The following INSC variants were observed in gnomAD, a reference collection of about 807,000 sequenced individuals.
INSC encodes protein inscuteable homolog.
INSC carries 67 observed loss-of-function variants against 58.6 expected under a neutral mutation model. That is an observed-to-expected ratio of 1.14 (90% CI 0.94 to 1.40). The LOEUF (loss-of-function observed/expected upper bound fraction) is 1.40, where lower values mean the gene tolerates loss of function less well. INSC is among the 40% of genes most tolerant of loss of function. The pLI is 0.00. For missense variants in INSC, 714 were observed against 692.0 expected, an observed-to-expected ratio of 1.03 and a Z score of -0.36; for synonymous variants, 262 against 276.1, an observed-to-expected ratio of 0.95 and a Z score of 0.51.
intron 7 of INSC, among the ~76,000 whole-genome samples, chr11:15,218,506 T>C (rs1851308785): frequency 6.6e-6 from 1 of 152,166 alleles, no homozygotes; most frequent in South Asian, 2.1e-4. Context: ...GGCATATACA[T>C]CTAAACATAC....
At chr11:15,230,005 ATATATATAATATAT>A (rs1787834439) in intron 9 of INSC, among the ~76,000 whole-genome samples, 2 of 25,934 alleles carry the variant, frequency 7.7e-5, no homozygotes, top group Non-Finnish European at 1.3e-4. Context: ...ATATATATAT[ATATATATAATATAT>A]ATATATATAT....
intron 1 of INSC, among the ~76,000 whole-genome samples, chr11:15,129,525 A>T (rs1255522798): frequency 1.3e-5 from 2 of 152,194 alleles, no homozygotes; most frequent in African/African-American, 4.8e-5. Context: ...TGCATGAATT[A>T]TCTATTAACT....
At chr11:15,262,321 A>G in the INSC span, among the ~76,000 whole-genome samples, 2 of 152,134 alleles carry the variant, frequency 1.3e-5, no homozygotes, top group Non-Finnish European at 2.9e-5. Flanking sequence ...TGAACCAAGC[A>G]AAACTGAAAA....
chr11:15,235,955 C>T (rs1354066522), intron 10 of INSC, among the ~76,000 whole-genome samples: 1 of 149,866 alleles, frequency 6.7e-6, no homozygotes, highest in African/African-American at 2.5e-5. Flanking sequence ...ACTCAGGAGG[C>T]TGAGGCAGGA....
intron 6 of INSC, among the ~76,000 whole-genome samples, chr11:15,199,712 G>A (rs1850505569): frequency 6.6e-6 from 1 of 152,204 alleles, no homozygotes; most frequent in South Asian, 2.1e-4. Flanking sequence ...GGAGTGATGA[G>A]GTTAAAGGCG....
At position 15,236,897 on chromosome 11, in the gene INSC, A is replaced by G. The variant is rs145859150; in HGVS notation, c.1237+1229A>G. 5.1e-3 allele frequency among the ~76,000 whole-genome samples: 775 copies of G among 152,300 alleles called. 4 individuals are homozygous for G. The highest frequency in any genetic ancestry group is 0.017 in the Middle Eastern group (5 of 294). On this transcript the variant is annotated intron_variant, in intron 10 of 12. Transcript: ENST00000379556. ...ATTTTGTGTTAATTTTATGTGATTG[A>G]GCTAATAATGAGAAACTTTGCTGAG...
In INSC at chr11:15,145,589, C is replaced by T. The variant is rs1002475247; in HGVS notation, c.-45-3541C>T. Among the ~76,000 whole-genome samples, 3 of 152,182 alleles carry T rather than the reference C, an allele frequency of 2.0e-5. No homozygotes were observed. The South Asian group carries it at 6.2e-4, about 32-fold the overall frequency. ...ATGCTTTAAACAGGTCTCTTTGCAG[C>T]TTTAACTGGGACTATGATCTCCCCT... On this transcript the variant is annotated intron_variant, in intron 1 of 12. Transcript: ENST00000379556.
chr11:15,136,731 A>G (rs941074787), intron 1 of INSC, among the ~76,000 whole-genome samples: 2 of 152,266 alleles, frequency 1.3e-5, no homozygotes, highest in East Asian at 3.9e-4. Context: ...TTTTCTTGCT[A>G]TTTTTAACCA....
At chr11:15,235,858 C>A (rs1185046815) in intron 10 of INSC, among the ~76,000 whole-genome samples, 190 bp downstream of exon 10, 2 of 151,896 alleles carry the variant, frequency 1.3e-5, no homozygotes, top group Non-Finnish European at 1.5e-5. Context: ...GAGTTCGAGA[C>A]CAGCCTGAGC....
chr11:15,227,878 C>T (rs780136260), intron 9 of INSC, among the ~76,000 whole-genome samples: 6 of 152,108 alleles, frequency 3.9e-5, no homozygotes, highest in South Asian at 2.1e-4. Context: ...TGGCTGACTC[C>T]GGTCATTTCC....
At chr11:15,206,204 G>A (rs1055146959) in intron 7 of INSC, among the ~76,000 whole-genome samples, 12 of 152,322 alleles carry the variant, frequency 7.9e-5, no homozygotes, top group Non-Finnish European at 1.5e-4. Context: ...AGGACAGACA[G>A]TGGTAAGGGC....
intron 7 of INSC, among the ~76,000 whole-genome samples, chr11:15,218,643 A>G (rs1851317679): frequency 6.6e-6 from 1 of 152,294 alleles, no homozygotes; most frequent in African/African-American, 2.4e-5. Flanking sequence ...GAAGCATATA[A>G]AACAAACTAC....
intron 1 of INSC, 165 bp from the exon 2 acceptor site, chr11:15,148,965 A>G: frequency 1.4e-6 from 1 of 716,542 alleles, no homozygotes; most frequent in Non-Finnish European, 2.0e-6. Context: ...GTTCTGCCTT[A>G]CTTGTGTGAG....
chr11:15,241,150 T>G (rs770791676), intron 12 of INSC, among the ~76,000 whole-genome samples: 17 of 152,114 alleles, frequency 1.1e-4, no homozygotes, highest in Non-Finnish European at 2.4e-4. Context: ...AAATGCATGC[T>G]TCGTCTATAT....
the INSC span, among the ~76,000 whole-genome samples, chr11:15,269,334 C>G: frequency 6.6e-6 from 1 of 151,854 alleles, no homozygotes; most frequent in East Asian, 1.9e-4. Flanking sequence ...CTACATGTTC[C>G]AAGACTCTTT....
At chr11:15,180,694 C>CGGGGGGGGGGGGGTGGGGGGGGGGGGG (rs756237896) in intron 5 of INSC, among the ~76,000 whole-genome samples, 1 of 41,822 alleles carries the variant, frequency 2.4e-5, no homozygotes, top group Non-Finnish European at 4.5e-5. Context: ...AGGGGGGGGG[C>CGGGGGGGGGGGGGTGGGGGGGGGGGGG]GGGGGGGGGT....
chr11:15,258,163 A>G, the INSC span, among the ~76,000 whole-genome samples: 1 of 152,206 alleles, frequency 6.6e-6, no homozygotes, highest in Non-Finnish European at 1.5e-5. Flanking sequence ...TATATAAACT[A>G]TCCCAAAATG....
intron 5 of INSC, among the ~76,000 whole-genome samples, chr11:15,182,096 C>A (rs1168506994): frequency 6.6e-5 from 10 of 152,104 alleles, no homozygotes; most frequent in African/African-American, 2.4e-4. Context: ...TTGTACTAGT[C>A]TTTCCCAGCC....
At chr11:15,250,535 T>G (rs2133994545), downstream of INSC, among the ~76,000 whole-genome samples, 1 of 152,306 alleles carries the variant, frequency 6.6e-6, no homozygotes, top group Admixed American at 6.5e-5. Flanking sequence ...CCATTATTGC[T>G]CACGCATCTC....
Sources: gnomAD v4.1 joint callset for allele counts (sites outside exome capture counted in the v4.1 genomes callset) on GRCh38, gnomAD v4.1.1 for gene constraint, MANE v1.5 for transcripts, NCBI Gene and HGNC (gene_info 2026-07-23, HGNC 2026-07-21) for gene names.